Variants in PTCHD4 observed in about 807,000 individuals in gnomAD.
The protein encoded by PTCHD4 is patched domain containing 4.
A neutral mutation model predicts 58.1 loss-of-function variants in PTCHD4; 33 were observed. That is an observed-to-expected ratio of 0.57 (90% CI 0.43 to 0.76). PTCHD4 has a LOEUF of 0.76. Among genes scored for constraint, PTCHD4 ranks in the 30% least tolerant of loss-of-function variants. The probability of loss-of-function intolerance (pLI) is 0.00; values close to 1 mark genes in which losing one functional copy is unlikely to be tolerated. For missense variants in PTCHD4, 1,058 were observed against 1,027.1 expected (o/e 1.03, Z -0.41); for synonymous variants, 478 against 409.6 (o/e 1.17, Z -2.02).
At chr6:48,027,591 C>A (rs2114124854) in intron 3 of PTCHD4, among the ~76,000 whole-genome samples, 1 of 152,174 alleles carries the variant, frequency 6.6e-6, no homozygotes, top group African/African-American at 2.4e-5. Flanking sequence ...AAATCTAGAT[C>A]ATTTCTAACA....
intron 4 of PTCHD4, among the ~76,000 whole-genome samples, chr6:47,989,560 T>G (rs1768205302): frequency 1.3e-5 from 2 of 152,156 alleles, no homozygotes; most frequent in Non-Finnish European, 2.9e-5. Flanking sequence ...ACTCCAGCTG[T>G]GACTAAAAGG....
chr6:47,936,224 G>A lies in PTCHD4; in HGVS notation c.899-56288C>T, dbSNP rs1038146497. Among the ~76,000 whole-genome samples, 5 of 152,314 alleles carry A rather than the reference G, an allele frequency of 3.3e-5. 1 individual carries two copies. The South Asian group carries it at 8.3e-4, about 25-fold the overall frequency. Reference sequence around the variant, plus strand: ...TTGGACTAGGGCAGTGTTGGTGGACGTGATGAGAATTATAAGATTCTAGAG... The same window carrying A: ...TTGGACTAGGGCAGTGTTGGTGGACATGATGAGAATTATAAGATTCTAGAG... On this transcript the variant is annotated intron_variant, in intron 4 of 4. Transcript: ENST00000339488.
chr6:48,051,702 A>G (rs935885750), intron 3 of PTCHD4, among the ~76,000 whole-genome samples: 1 of 151,978 alleles, frequency 6.6e-6, no homozygotes, highest in African/African-American at 2.4e-5. Flanking sequence ...ATCATAGCAA[A>G]ATAGTTCCCT....
chr6:47,871,713 A>G lies in PTCHD4; in HGVS notation c.*6590T>C, dbSNP rs1046641422. Reference sequence around the variant, plus strand: ...ATATTGCCATTTAATCAAAGATTGCATGCCATTTTGTCTTTAAATACCCTT... The same window carrying G: ...ATATTGCCATTTAATCAAAGATTGCGTGCCATTTTGTCTTTAAATACCCTT... On this transcript the variant is annotated 3_prime_UTR_variant, in exon 5 of 5. Coordinates refer to ENST00000339488, the MANE Select transcript of PTCHD4 (RefSeq NM_001384253.1). Among the ~76,000 whole-genome samples, 3 of 151,718 alleles carry G rather than the reference A, an allele frequency of 2.0e-5. No individual in the cohort carries two copies. Among genetic ancestry groups the G allele is most frequent in the Admixed American group, 6.6e-5 (1 of 15,184 alleles).
chr6:47,931,018 C>G (rs1374769555), intron 4 of PTCHD4, among the ~76,000 whole-genome samples: 1 of 152,210 alleles, frequency 6.6e-6, no homozygotes, highest in Non-Finnish European at 1.5e-5. Flanking sequence ...CTCCTGACCT[C>G]AGGTGATCCA....
chr6:47,977,934 C>T (rs1395234010), intron 4 of PTCHD4, among the ~76,000 whole-genome samples: 1 of 152,086 alleles, frequency 6.6e-6, no homozygotes, highest in Non-Finnish European at 1.5e-5. Context: ...CATGTTGAAG[C>T]CCATGAAGGT....
In PTCHD4 at chr6:47,867,496, C is replaced by T. The variant is rs1763601090; in HGVS notation, c.*10807G>A. On this transcript the variant is annotated 3_prime_UTR_variant, in exon 5 of 5. Coordinates refer to ENST00000339488, the MANE Select transcript of PTCHD4 (RefSeq NM_001384253.1). Reference sequence around the variant, plus strand: ...TAAAAAGAGCTTTTTCTTTATGATCCCTCTCCAAAATCCAAGTAACTCCCC... The same window carrying T: ...TAAAAAGAGCTTTTTCTTTATGATCTCTCTCCAAAATCCAAGTAACTCCCC... Among the ~76,000 whole-genome samples the T allele has an allele frequency of 6.6e-6, 1 of 151,304 alleles. No homozygotes were observed. The highest frequency in any genetic ancestry group is 1.5e-5 in the Non-Finnish European group (1 of 67,768).
Position 47,870,683 on chromosome 6 carries a change from C to A in PTCHD4, c.*7620G>T, listed in dbSNP as rs1763693016. Among the ~76,000 whole-genome samples, 1 of 151,598 alleles carries A rather than the reference C, an allele frequency of 6.6e-6. No individual in the cohort carries two copies. Among genetic ancestry groups the A allele is most frequent in the African/African-American group, 2.4e-5 (1 of 41,388 alleles). ...TGTGAGATCTAAAATGGCTACACAG[C>A]AGTCTTCTATTTCACAGGAGATATT... On this transcript the variant is annotated 3_prime_UTR_variant, in exon 5 of 5. Coordinates refer to ENST00000339488, the MANE Select transcript of PTCHD4 (RefSeq NM_001384253.1).
Position 47,869,566 on chromosome 6 carries a change from T to C in PTCHD4, c.*8737A>G, listed in dbSNP as rs970923332. On this transcript the variant is annotated 3_prime_UTR_variant, in exon 5 of 5. Coordinates refer to ENST00000339488, the MANE Select transcript of PTCHD4 (RefSeq NM_001384253.1). The stretch of plus-strand genomic sequence containing the variant: ...TAATGCTTTAGTAATTTATGTGTTT[T>C]AGAGACATTTGTGAACTTAGGGATT... Among the ~76,000 whole-genome samples the C allele has an allele frequency of 6.6e-6, 1 of 151,730 alleles. No homozygotes were observed. Among genetic ancestry groups the C allele is most frequent in the Admixed American group, 6.6e-5 (1 of 15,176 alleles).
In PTCHD4 at chr6:48,068,907, T is replaced by A. The variant is rs890591566; in HGVS notation, c.5+46A>T. 1.0e-4 allele frequency among the ~76,000 whole-genome samples: 15 copies of A among 150,448 alleles called. No homozygotes were observed. The highest frequency in any genetic ancestry group is 2.7e-4 in the African/African-American group (11 of 40,974). ...GGCGGGCGCCGCGGGGCCCACCCCC[T>A]CCCCGGTCTCCCCGCGCCCTCGCCG... On this transcript the variant is annotated intron_variant, in intron 2 of 4. Transcript: ENST00000339488. This position sits in a 1 kb window ranked among gnomAD's most constrained non-coding sequence, Gnocchi z 4.2.
rs531636049 is a variant in PTCHD4, at chr6:47,951,772, G to A, written c.898+56862C>T. Reference sequence around the variant, plus strand: ...GAGTATTAAGTAGATAAATGTCAAAGACAATCTGCACAAAATAAAAATAGA... The same window carrying A: ...GAGTATTAAGTAGATAAATGTCAAAAACAATCTGCACAAAATAAAAATAGA... On this transcript the variant is annotated intron_variant, in intron 4 of 4. Transcript: ENST00000339488. 2.8e-4 allele frequency among the ~76,000 whole-genome samples: 42 copies of A among 151,454 alleles called. No individual in the cohort carries two copies. In the South Asian group the frequency reaches 8.1e-3, roughly 29 times the overall value.
chr6:48,108,826 GAA>G (rs1342197926), intron 1 of PTCHD4, among the ~76,000 whole-genome samples: 6 of 151,398 alleles, frequency 4.0e-5, no homozygotes, highest in Non-Finnish European at 7.4e-5. Context: ...AACAACAACA[GAA>G]AGCTAAAAGA....
chr6:47,994,147 A>G (rs1261034028), intron 4 of PTCHD4, among the ~76,000 whole-genome samples: 1 of 152,144 alleles, frequency 6.6e-6, no homozygotes, highest in Non-Finnish European at 1.5e-5. Context: ...ACCCAACCAA[A>G]AGCCAGAGGA....
chr6:47,895,158 T>G (rs1039325163), intron 4 of PTCHD4, among the ~76,000 whole-genome samples: 4 of 150,626 alleles, frequency 2.7e-5, no homozygotes, highest in African/African-American at 9.8e-5. Context: ...AAAGAAACAA[T>G]AATAAAAACA....
At chr6:47,889,919 C>A (rs1046196375) in intron 4 of PTCHD4, among the ~76,000 whole-genome samples, 2 of 151,942 alleles carry the variant, frequency 1.3e-5, no homozygotes, top group Non-Finnish European at 2.9e-5. Context: ...GAACAGGCAG[C>A]CTATAAAATG....
chr6:48,073,499 T>C (rs1159388946), intron 1 of PTCHD4, among the ~76,000 whole-genome samples: 1 of 152,256 alleles, frequency 6.6e-6, no homozygotes, highest in African/African-American at 2.4e-5. Context: ...CATTAATTTA[T>C]GCTCTAATAC....
At chr6:47,901,903 GT>G in intron 4 of PTCHD4, 1 of 1,303,282 alleles carries the variant, frequency 7.7e-7, no homozygotes, top group Non-Finnish European at 1.0e-6. Flanking sequence ...AACTAAATTT[GT>G]TTCTAGCTTG....
At chr6:47,968,139 A>C (rs1309972265) in intron 4 of PTCHD4, among the ~76,000 whole-genome samples, 1 of 152,162 alleles carries the variant, frequency 6.6e-6, no homozygotes, top group Non-Finnish European at 1.5e-5. Flanking sequence ...CTGAACACAT[A>C]GAGGTCATTG....
chr6:48,026,338 C>A (rs567438811), intron 3 of PTCHD4, among the ~76,000 whole-genome samples: 1 of 152,146 alleles, frequency 6.6e-6, no homozygotes, highest in East Asian at 1.9e-4. Context: ...CATCTCAAAC[C>A]CTTACTAACG....
Sources: gnomAD v4.1 joint callset for allele counts (sites outside exome capture counted in the v4.1 genomes callset) on GRCh38, gnomAD v4.1.1 for gene constraint, Gnocchi (gnomAD v3.1) non-coding constraint, MANE v1.5 for transcripts, NCBI Gene and HGNC (gene_info 2026-07-23, HGNC 2026-07-21) for gene names.